Variants in SPTBN4 observed in about 807,000 individuals in gnomAD.
SPTBN4 encodes spectrin beta, non-erythrocytic 4, also known as spectrin beta chain, non-erythrocytic 4.
SPTBN4 carries 96 observed loss-of-function variants against 277.8 expected under a neutral mutation model. That is an observed-to-expected ratio of 0.35 (90% confidence interval 0.29 to 0.41). The LOEUF is 0.41. SPTBN4 is among the 10% of genes least tolerant of loss of function. SPTBN4 has a pLI of 1.00. For missense variants in SPTBN4, 3,006 were observed against 3,595.7 expected (o/e 0.84, Z 4.19); for synonymous variants, 1,481 against 1,580.3 (o/e 0.94, Z 1.49).
At chr19:40,557,550 A>C in intron 26 of SPTBN4, 147 bp downstream of exon 26, 1 of 945,426 alleles carries the variant, frequency 1.1e-6, no homozygotes, top group Non-Finnish European at 1.5e-6. Context: ...AAATTAGATA[A>C]TGGAGCAGAT....
rs573784433 is a variant in SPTBN4 at position 40,568,214 on chromosome 19, T to G, written c.6888T>G (p.Arg2296=). The change falls in exon 31 of 36, where the codon CGT becomes CGG. Residue 2296 remains arginine (R), a synonymous_variant. Transcript: ENST00000598249. ...YEQMERRRER[R]ERRLERQESS... is the part of the protein sequence containing the mutation. Reference sequence around the variant, plus strand: ...AGATGGAGCGGCGGCGCGAGCGGCGTGAGCGGCGCTTGGAGCGGCAGGAGT... The same window carrying G: ...AGATGGAGCGGCGGCGCGAGCGGCGGGAGCGGCGCTTGGAGCGGCAGGAGT... 3.7e-6 allele frequency: 6 copies of G among 1,601,828 alleles called. No homozygotes were observed. In the African/African-American group the frequency reaches 8.0e-5, roughly 21 times the overall value.
Position 40,556,136 on chromosome 19 carries a change from A to C in SPTBN4, c.5137A>C (p.Lys1713Gln). The C allele has an allele frequency of 6.2e-7, 1 of 1,613,024 alleles. No homozygotes were observed. Among genetic ancestry groups the C allele is most frequent in the Non-Finnish European group, 8.5e-7 (1 of 1,180,014 alleles). The change falls in exon 25 of 36, where the codon AAG becomes CAG. Residue 1713 changes from lysine (K) to glutamine (Q), a missense_variant. Coordinates refer to ENST00000598249, the MANE Select transcript of SPTBN4 (RefSeq NM_020971.3). ...GGTGGACCGCCTGTACGTGGCGCTC[A>C]AGGAGCTGGGTGAGGAGCGCCGGGT... ...SQVDRLYVAL[K>Q]ELGEERRVAL...
At chr19:40,552,977 C>T (rs2080935319) in intron 22 of SPTBN4, among the ~76,000 whole-genome samples, 1 of 152,154 alleles carries the variant, frequency 6.6e-6, no homozygotes, top group Non-Finnish European at 1.5e-5. Flanking sequence ...TTATAACAAC[C>T]CCGCAAGGTA....
At position 40,560,541 on chromosome 19, in the gene SPTBN4, T is replaced by A; in HGVS notation, c.5915+138T>A. On this transcript the variant is annotated intron_variant, in intron 27 of 35. Coordinates refer to ENST00000598249, the MANE Select transcript of SPTBN4 (RefSeq NM_020971.3). The surrounding 1 kb of genome is among the most constrained non-coding windows in gnomAD (Gnocchi z 5.2). ...TGGCGCCTCTGTGTGCTAGGCACTG[T>A]TCTAGGTGCTTCGTGTGTATTCAGA... 1 of 1,543,860 alleles carries A rather than the reference T, an allele frequency of 6.5e-7. No individual in the cohort carries two copies. The highest frequency in any genetic ancestry group is 8.7e-7 in the Non-Finnish European group (1 of 1,145,786).
At chr19:40,501,554 G>C (rs1056190316) in intron 7 of SPTBN4, among the ~76,000 whole-genome samples, 10 of 152,098 alleles carry the variant, frequency 6.6e-5, no homozygotes, top group African/African-American at 2.2e-4. Context: ...CATAACCCCA[G>C]CTACTTGGGA....
In SPTBN4 at chr19:40,570,594, C is replaced by A; in HGVS notation, c.7185C>A (p.Ser2395Arg). 1.5e-6 allele frequency: 2 copies of A among 1,377,098 alleles called. No individual in the cohort carries two copies. The highest frequency in any genetic ancestry group is 9.4e-7 in the Non-Finnish European group (1 of 1,065,854). The allele number at this position is 1,377,098 out of a possible 1,614,324, so 85.3% of individuals were successfully genotyped here. The change falls in exon 33 of 36, where the codon AGC becomes AGA. Residue 2395 changes from serine to arginine, a missense_variant. This residue lies in a region of SPTBN4 where 630 missense variants were observed against 677.6 expected (regional missense o/e 0.93). Transcript: ENST00000598249. ...GAGAGGGTGGTGAGGGCGGGGGAAG[C>A]CGGCGCTCGCGCTCCGCCCCGGCCC... ...RPREGGEGGG[S>R]RRSRSAPAQG...
chr19:40,469,749 T>G (rs921467909), intron 1 of SPTBN4, among the ~76,000 whole-genome samples: 1 of 151,284 alleles, frequency 6.6e-6, no homozygotes, highest in African/African-American at 2.4e-5. Flanking sequence ...GTTCAAGCAA[T>G]TCTCCTGTCT....
chr19:40,492,014 C>T (rs963822411), intron 4 of SPTBN4, among the ~76,000 whole-genome samples: 1 of 149,962 alleles, frequency 6.7e-6, no homozygotes, highest in Non-Finnish European at 1.5e-5. Context: ...AAGAGTGAAA[C>T]TCCATCTAAA....
Position 40,515,934 on chromosome 19 carries a change from C to CATATATATACACACAT in SPTBN4, c.2903+493_2903+494insTACACACATATATATA, listed in dbSNP as rs796794997. ...ATATACACACACATATATATACACA[C>CATATATATACACACAT]ATATATACGTATATATACACATATA... On this transcript the variant is annotated intron_variant, in intron 15 of 35. Transcript: ENST00000598249. This position sits in a 1 kb window ranked among gnomAD's most constrained non-coding sequence, Gnocchi z 4.1. 1.3e-5 allele frequency among the ~76,000 whole-genome samples: 1 copy of CATATATATACACACAT among 78,208 alleles called. No homozygotes were observed. Among genetic ancestry groups the CATATATATACACACAT allele is most frequent in the South Asian group, 4.7e-4 (1 of 2,140 alleles). 51.3% of individuals were successfully genotyped at this position (78,208 alleles called of 152,430 possible).
Position 40,490,062 on chromosome 19 carries a change from C to A in SPTBN4, c.322-13C>A. 1 of 1,594,280 alleles carries A rather than the reference C, an allele frequency of 6.3e-7. No homozygotes were observed. The highest frequency in any genetic ancestry group is 8.6e-7 in the Non-Finnish European group (1 of 1,168,336). ...TCCAGACCCCCGATCGCCCACCGCCCCTGTCGCCCTAGCCCAGGCCCACGC... is the reference window on the plus strand; with the variant it reads ...TCCAGACCCCCGATCGCCCACCGCCACTGTCGCCCTAGCCCAGGCCCACGC... On this transcript the variant is annotated splice_polypyrimidine_tract_variant and intron_variant, in intron 3 of 35. Transcript: ENST00000598249. This position sits in a 1 kb window ranked among gnomAD's most constrained non-coding sequence, Gnocchi z 4.3.
At chr19:40,514,565 G>A (rs1258863542) in intron 14 of SPTBN4, among the ~76,000 whole-genome samples, 1 of 152,186 alleles carries the variant, frequency 6.6e-6, no homozygotes, top group Non-Finnish European at 1.5e-5. Flanking sequence ...CCCAACATGG[G>A]GGCCCAGAGG....
chr19:40,568,621 C>T (rs1279737947), intron 31 of SPTBN4, among the ~76,000 whole-genome samples: 1 of 152,198 alleles, frequency 6.6e-6, no homozygotes, highest in Non-Finnish European at 1.5e-5. Context: ...GCCCACTGGG[C>T]TAATGGTGGA....
intron 1 of SPTBN4, among the ~76,000 whole-genome samples, chr19:40,472,228 A>G (rs989634431): frequency 4.0e-5 from 6 of 148,708 alleles, no homozygotes; most frequent in Non-Finnish European, 7.4e-5. Flanking sequence ...ATTTTTTTGT[A>G]GAGACAGGGT....
intron 20 of SPTBN4, among the ~76,000 whole-genome samples, chr19:40,545,409 T>G (rs2080848086): frequency 6.6e-6 from 1 of 151,902 alleles, no homozygotes; most frequent in African/African-American, 2.4e-5. Flanking sequence ...CAGTATTTCT[T>G]TAGTTATATT....
chr19:40,478,580 C>CT (rs1326245797), intron 2 of SPTBN4, among the ~76,000 whole-genome samples: 8 of 152,086 alleles, frequency 5.3e-5, no homozygotes, highest in Non-Finnish European at 1.0e-4. Flanking sequence ...GAGTCTCGCT[C>CT]TGTCACCCAG....
chr19:40,489,670 G>T (rs914517766), intron 3 of SPTBN4, among the ~76,000 whole-genome samples: 7 of 152,202 alleles, frequency 4.6e-5, no homozygotes, highest in African/African-American at 1.7e-4. Flanking sequence ...TTACAGGATT[G>T]AGCCACTACG....
rs2080278467 is a variant in SPTBN4 at position 40,502,810 on chromosome 19, G to A, written c.1239G>A (p.Arg413=). ...AGCTGGAGAAGGCTGAGCATGAGCG[G>A]GAGGCTGCCCTACGGGCTGAGCTGA... is the stretch of plus-strand genomic sequence containing the variant. ...WGELEKAEHE[R]EAALRAELIR... is the part of the protein sequence containing the mutation. Residue 413 remains arginine (R), a synonymous_variant, in exon 11 of 36, where the codon CGG becomes CGA. Coordinates refer to ENST00000598249, the MANE Select transcript of SPTBN4 (RefSeq NM_020971.3). This position sits in a 1 kb window ranked among gnomAD's most constrained non-coding sequence, Gnocchi z 4.9. 6.2e-7 allele frequency: 1 copy of A among 1,613,850 alleles called. No individual in the cohort carries two copies. The highest frequency in any genetic ancestry group is 8.5e-7 in the Non-Finnish European group (1 of 1,180,022).
chr19:40,512,083 A>G (rs1201062214), intron 13 of SPTBN4, among the ~76,000 whole-genome samples: 1 of 152,210 alleles, frequency 6.6e-6, no homozygotes, highest in East Asian at 1.9e-4. Flanking sequence ...AGATCGCGCT[A>G]CTGCACTCCA....
At chr19:40,496,897 AC>A (rs1232063234) in intron 6 of SPTBN4, among the ~76,000 whole-genome samples, 1 of 151,144 alleles carries the variant, frequency 6.6e-6, no homozygotes, top group Non-Finnish European at 1.5e-5. Flanking sequence ...ACATGGTGAA[AC>A]CCCGTCTCTA....
Sources: gnomAD v4.1 joint callset for allele counts (sites outside exome capture counted in the v4.1 genomes callset) on GRCh38, gnomAD v4.1.1 for gene constraint, gnomAD v4.1.1 regional missense constraint, Gnocchi (gnomAD v3.1) non-coding constraint, MANE v1.5 for transcripts, NCBI Gene and HGNC (gene_info 2026-07-23, HGNC 2026-07-21) for gene names.